The following CDKN1B variants were observed in gnomAD, a reference collection of about 807,000 sequenced individuals.
CDKN1B encodes cyclin-dependent kinase inhibitor 1B.
Under a neutral mutation model 17.1 loss-of-function variants are expected in CDKN1B, and 7 were observed. The ratio of observed to expected loss-of-function variants is 0.41; its 90% confidence interval spans 0.23 to 0.77. The LOEUF (loss-of-function observed/expected upper bound fraction) is 0.77. Among genes scored for constraint, CDKN1B ranks in the 30% least tolerant of loss-of-function variants. The probability of loss-of-function intolerance (pLI) is 0.33; values close to 1 mark genes in which losing one functional copy is unlikely to be tolerated. For missense variants in CDKN1B, 337 were observed against 262.0 expected, an observed-to-expected ratio of 1.29 and a Z score of -1.98; for synonymous variants, 149 against 104.3, an observed-to-expected ratio of 1.43 and a Z score of -2.61.
At chr12:12,719,080 T>C (rs1565420188) in intron 2 of CDKN1B, 126 bp downstream of exon 2, 1 of 1,218,826 alleles carries the variant, frequency 8.2e-7, no homozygotes, top group Non-Finnish European at 1.2e-6. Context: ...CTTCGTGAGG[T>C]CAAAAAAGTA....
chr12:12,720,189 C>T (rs1946528306), intron 2 of CDKN1B, among the ~76,000 whole-genome samples: 1 of 142,672 alleles, frequency 7.0e-6, no homozygotes. Context: ...CCTTAACATG[C>T]GCAGCCCTTG....
In CDKN1B at chr12:12,718,324, C is replaced by CT. The variant is rs781578554; in HGVS notation, c.475+13dup. 4 of 1,598,240 alleles carry CT rather than the reference C, an allele frequency of 2.5e-6. No individual in the cohort carries two copies. The highest frequency in any genetic ancestry group is 3.4e-6 in the Non-Finnish European group (4 of 1,178,518). On this transcript the variant is annotated intron_variant, in intron 1 of 2. Transcript: ENST00000228872. ...CGACCTGCAACCGACGGTAATGACC[C>CT]TTTCCCAACCATAGAATGTGTTTGG...
At chr12:12,718,478 T>A (rs1018053211) in intron 1 of CDKN1B, among the ~76,000 whole-genome samples, 164 bp downstream of exon 1, 1 of 152,134 alleles carries the variant, frequency 6.6e-6, no homozygotes, top group Non-Finnish European at 1.5e-5. Context: ...CTTGTCTGTT[T>A]GTGACTTTTA....
chr12:12,722,247 T>G lies in CDKN1B; in HGVS notation c.*1220T>G, dbSNP rs1946546840. 1 of 152,678 alleles carries G rather than the reference T, an allele frequency of 6.5e-6. No homozygotes were observed. Among genetic ancestry groups the G allele is most frequent in the African/African-American group, 2.4e-5 (1 of 41,470 alleles). 9.5% of individuals were successfully genotyped at this position (152,678 alleles called of 1,614,324 possible). A position where few individuals can be genotyped will look rare whatever the true frequency, so the allele number is the denominator to read the frequency against. ...TAGAATAGGTTTTCCCCTCTTTTGT[T>G]AAATAATATGGCTATGCTTAAAAGG... On this transcript the variant is annotated 3_prime_UTR_variant, in exon 3 of 3. Transcript: ENST00000228872.
intron 1 of CDKN1B, among the ~76,000 whole-genome samples, 169 bp from the exon 2 acceptor site, chr12:12,718,656 G>C (rs536538668): frequency 6.6e-6 from 1 of 152,098 alleles, no homozygotes; most frequent in Non-Finnish European, 1.5e-5. Context: ...TCTGTTTTTT[G>C]AAAACAACCT....
chr12:12,719,239 G>T, intron 2 of CDKN1B: 1 of 417,942 alleles, frequency 2.4e-6, no homozygotes, highest in Non-Finnish European at 4.5e-6. Flanking sequence ...ACTAAAACGT[G>T]TTGGGAGCAA....
chr12:12,720,769 C>G (rs1292271792), intron 2 of CDKN1B, among the ~76,000 whole-genome samples: 1 of 152,114 alleles, frequency 6.6e-6, no homozygotes, highest in African/African-American at 2.4e-5. Flanking sequence ...TAAAATGTCT[C>G]CAGACATTGC....
chr12:12,720,020 T>C lies in CDKN1B; in HGVS notation c.*9-1016T>C, dbSNP rs181530489. 4.1e-3 allele frequency among the ~76,000 whole-genome samples: 621 copies of C among 152,344 alleles called. 2 individuals are homozygous for C. The highest frequency in any genetic ancestry group is 6.7e-3 in the Admixed American group (103 of 15,302). On this transcript the variant is annotated intron_variant, in intron 2 of 2. Coordinates refer to ENST00000228872, the MANE Select transcript of CDKN1B (RefSeq NM_004064.5). ...ATCCCCAGTTATAAAAATTTTAAAA[T>C]AACAGGGATTAAGGTGAGATTCAGG...
Position 12,717,594 on chromosome 12 carries a change from C to T in CDKN1B, c.-246C>T, listed in dbSNP as rs1946478878. 9 of 1,434,648 alleles carry T rather than the reference C, an allele frequency of 6.3e-6. No homozygotes were observed. The highest frequency in any genetic ancestry group is 2.6e-4 in the Middle Eastern group (1 of 3,868). 88.9% of individuals were successfully genotyped at this position (1,434,648 alleles called of 1,614,324 possible). ...CTCTCCGCTTGCCTGGTCCCCTCTC[C>T]TCTCCGCCCTCCCGCTCGCCAGTCC... On this transcript the variant is annotated 5_prime_UTR_variant, in exon 1 of 3. Coordinates refer to ENST00000228872, the MANE Select transcript of CDKN1B (RefSeq NM_004064.5).
chr12:12,721,062 C>CA lies in CDKN1B; in HGVS notation c.*36dup, dbSNP rs761706575. The CA allele has an allele frequency of 6.8e-6, 5 of 731,690 alleles. No homozygotes were observed. Among genetic ancestry groups the CA allele is most frequent in the Non-Finnish European group, 1.3e-5 (5 of 399,128 alleles). The allele number at this position is 731,690 out of a possible 1,614,324, so 45.3% of individuals were successfully genotyped here. A position where few individuals can be genotyped will look rare whatever the true frequency, so the allele number is the denominator to read the frequency against. On this transcript the variant is annotated 3_prime_UTR_variant, in exon 3 of 3. Transcript: ENST00000228872. ...ATTAAGAATATGTTTCCTTGTTTAT[C>CA]AGATACATCACTGCTTGATGAAGCA...
At position 12,717,467 on chromosome 12, in the gene CDKN1B, C is replaced by T. The variant is rs944969211; in HGVS notation, c.-373C>T. The T allele has an allele frequency of 5.0e-5, 67 of 1,328,348 alleles. No individual in the cohort carries two copies. The highest frequency in any genetic ancestry group is 6.4e-5 in the Non-Finnish European group (66 of 1,035,296). The allele number at this position is 1,328,348 out of a possible 1,614,324, so 82.3% of individuals were successfully genotyped here. On this transcript the variant is annotated 5_prime_UTR_variant, in exon 1 of 3. Transcript: ENST00000228872. ...TCTCCCCCTCCCCTGTCCCCGCTTG[C>T]TCACGGCTCTGCGACTCCGACGCCG... is the stretch of plus-strand genomic sequence containing the variant.
intron 1 of CDKN1B, among the ~76,000 whole-genome samples, 159 bp from the exon 2 acceptor site, chr12:12,718,666 T>A (rs566624847): frequency 1.3e-5 from 2 of 152,126 alleles, no homozygotes; most frequent in Admixed American, 1.3e-4. Flanking sequence ...GAAAACAACC[T>A]CATTTTGTGC....
rs1462172777 is a variant in CDKN1B, at chr12:12,721,054, T to G, written c.*27T>G. The G allele has an allele frequency of 1.4e-6, 1 of 727,032 alleles. No individual in the cohort carries two copies. Among genetic ancestry groups the G allele is most frequent in the African/African-American group, 1.8e-5 (1 of 56,852 alleles). The allele number at this position is 727,032 out of a possible 1,614,324, so 45.0% of individuals were successfully genotyped here. ...TTTGCAGAATTAAGAATATGTTTCC[T>G]TGTTTATCAGATACATCACTGCTTG... On this transcript the variant is annotated 3_prime_UTR_variant, in exon 3 of 3. Coordinates refer to ENST00000228872, the MANE Select transcript of CDKN1B (RefSeq NM_004064.5).
Position 12,717,894 on chromosome 12 carries a change from A to T in CDKN1B, c.55A>T (p.Arg19Trp). ...GSPSLERMDA[R>W]QAEHPKPSAC... ...CCCTAGCCTGGAGCGGATGGACGCCAGGCAGGCGGAGCACCCCAAGCCCTC... is the reference window on the plus strand; with the variant it reads ...CCCTAGCCTGGAGCGGATGGACGCCTGGCAGGCGGAGCACCCCAAGCCCTC... The change falls in exon 1 of 3, where the codon AGG (arginine) becomes TGG (tryptophan). Residue 19 changes from arginine (R) to tryptophan (W), a missense_variant. Arg to Trp is a moderately radical substitution (Grantham distance 101, BLOSUM62 -3). Transcript: ENST00000228872. 1 of 1,614,040 alleles carries T rather than the reference A, an allele frequency of 6.2e-7. No individual in the cohort carries two copies. The highest frequency in any genetic ancestry group is 8.5e-7 in the Non-Finnish European group (1 of 1,180,020).
chr12:12,720,499 A>T (rs1299279073), intron 2 of CDKN1B, among the ~76,000 whole-genome samples: 1 of 152,186 alleles, frequency 6.6e-6, no homozygotes, highest in Non-Finnish European at 1.5e-5. Flanking sequence ...CTGTCACAGG[A>T]GAAAAAAAAT....
intron 2 of CDKN1B, 85 bp downstream of exon 2, chr12:12,719,039 TA>T: frequency 6.4e-7 from 1 of 1,553,492 alleles, no homozygotes; most frequent in African/African-American, 1.4e-5. Flanking sequence ...GCTGGCAAAT[TA>T]AAAGCTTATG....
chr12:12,718,972 G>A lies in CDKN1B; in HGVS notation c.*8+18G>A, dbSNP rs1452424439. ...ACAGCTCGGTGGGTTGATCACTAAAGGAGCACGCACTGGAACCCGGGGCCT... is the reference window on the plus strand; with the variant it reads ...ACAGCTCGGTGGGTTGATCACTAAAAGAGCACGCACTGGAACCCGGGGCCT... On this transcript the variant is annotated intron_variant, in intron 2 of 2. Coordinates refer to ENST00000228872, the MANE Select transcript of CDKN1B (RefSeq NM_004064.5). The A allele has an allele frequency of 6.2e-7, 1 of 1,613,056 alleles. No individual in the cohort carries two copies. Among genetic ancestry groups the A allele is most frequent in the African/African-American group, 1.3e-5 (1 of 74,880 alleles).
intron 1 of CDKN1B, 78 bp from the exon 2 acceptor site, chr12:12,718,747 A>G: frequency 6.4e-7 from 1 of 1,567,630 alleles, no homozygotes; most frequent in South Asian, 1.1e-5. Flanking sequence ...TCCCCTGACT[A>G]TGGGGCCAAC....
chr12:12,720,520 C>T (rs1331803074), intron 2 of CDKN1B, among the ~76,000 whole-genome samples: 5 of 151,994 alleles, frequency 3.3e-5, no homozygotes, highest in African/African-American at 1.2e-4. Flanking sequence ...TAAAAATTTT[C>T]AAAAATTTAG....
Sources: allele counts gnomAD v4.1 joint callset (sites outside exome capture counted in the v4.1 genomes callset), GRCh38; gene constraint gnomAD v4.1.1; transcripts MANE v1.5; gene names NCBI Gene and HGNC (gene_info 2026-07-23, HGNC 2026-07-21).